Variants in ZFHX3 observed in about 807,000 individuals in gnomAD.
The protein encoded by ZFHX3 is zinc finger homeobox 3.
A neutral mutation model predicts 279.1 loss-of-function variants in ZFHX3; 42 were observed. The observed-to-expected ratio is 0.15, with a 90% CI of 0.12 to 0.19. ZFHX3 has a LOEUF of 0.19. Among genes scored for constraint, ZFHX3 ranks in the 10% least tolerant of loss-of-function variants. The pLI is 1.00. For missense variants in ZFHX3, 4,981 were observed against 4,754.0 expected, an observed-to-expected ratio of 1.05 and a Z score of -1.40; for synonymous variants, 2,293 against 1,957.8, an observed-to-expected ratio of 1.17 and a Z score of -4.52.
chr16:73,269,872 C>T (rs562290640), intron 4 of ZFHX3, among the ~76,000 whole-genome samples: 18 of 152,116 alleles, frequency 1.2e-4, no homozygotes, highest in South Asian at 1.0e-3. Context: ...CCTCAGTCTC[C>T]GGAGTAGCTG....
At chr16:73,311,321 GC>G (rs1458763721) in intron 4 of ZFHX3, among the ~76,000 whole-genome samples, 4 of 151,600 alleles carry the variant, frequency 2.6e-5, no homozygotes, top group Non-Finnish European at 5.9e-5. Flanking sequence ...ATGGATGGAT[GC>G]AGTGGCTCAC....
rs138316131 is a variant in ZFHX3, at chr16:73,871,513, A to T, written c.-1608+20138T>A. Among the ~76,000 whole-genome samples, 359 of 151,454 alleles carry T rather than the reference A, an allele frequency of 2.4e-3. 3 individuals are homozygous for T. Among genetic ancestry groups the T allele is most frequent in the East Asian group, 5.4e-3 (28 of 5,164 alleles). On this transcript the variant is annotated intron_variant, in intron 1 of 17. Transcript: ENST00000641206. ...AAAAAAAAGAGAGAGAGAGAGAGAG[A>T]GTGTGTGTGCTTATGACTTTGCCTG...
intron 8 of ZFHX3, among the ~76,000 whole-genome samples, chr16:73,076,354 G>A (rs996002091): frequency 4.6e-5 from 7 of 152,190 alleles, no homozygotes; most frequent in Admixed American, 3.9e-4. Flanking sequence ...ACTGGGAAGT[G>A]GAGCAATGAG....
chr16:72,895,872 A>ATAT (rs2038887013), intron 3 of ZFHX3, among the ~76,000 whole-genome samples: 1 of 138,500 alleles, frequency 7.2e-6, no homozygotes. Flanking sequence ...GGTAGATTAG[A>ATAT]CTAGATAGAT....
chr16:73,750,324 C>A (rs573160230), intron 1 of ZFHX3, among the ~76,000 whole-genome samples: 26 of 152,148 alleles, frequency 1.7e-4, no homozygotes, highest in Non-Finnish European at 2.5e-4. Context: ...GTACGATCTG[C>A]AAAGACACTG....
At chr16:73,561,275 G>C (rs932199691) in intron 2 of ZFHX3, among the ~76,000 whole-genome samples, 2 of 152,184 alleles carry the variant, frequency 1.3e-5, no homozygotes, top group East Asian at 1.9e-4. Context: ...TCCGTGTGCA[G>C]ATGGGAACTA....
chr16:72,877,141 T>C (rs1028235000), intron 4 of ZFHX3, among the ~76,000 whole-genome samples: 7 of 152,324 alleles, frequency 4.6e-5, no homozygotes, highest in African/African-American at 1.7e-4. Flanking sequence ...CCCGGTCTTA[T>C]GTGTTCTGAG....
At position 72,787,151 on chromosome 16, in the gene ZFHX3, T is replaced by G; in HGVS notation, c.*13A>C. On this transcript the variant is annotated 3_prime_UTR_variant, in exon 10 of 10. Transcript: ENST00000268489. ...ATTTAAATTCATTTGTTTGTATTGT[T>G]CATCTTCAAAGCTTACAATCTGAAG... 1.4e-6 allele frequency: 2 copies of G among 1,480,124 alleles called. No individual in the cohort carries two copies. The highest frequency in any genetic ancestry group is 1.8e-6 in the Non-Finnish European group (2 of 1,107,904). 91.7% of individuals were successfully genotyped at this position (1,480,124 alleles called of 1,614,324 possible). A position where few individuals can be genotyped will look rare whatever the true frequency, so the allele number is the denominator to read the frequency against.
At chr16:73,273,342 T>C (rs1442669336) in intron 4 of ZFHX3, among the ~76,000 whole-genome samples, 4 of 152,122 alleles carry the variant, frequency 2.6e-5, no homozygotes, top group African/African-American at 9.7e-5. Context: ...ATAACTCCTG[T>C]TGGATATGAA....
At chr16:73,440,611 G>A (rs1182453293) in intron 3 of ZFHX3, among the ~76,000 whole-genome samples, 4 of 152,158 alleles carry the variant, frequency 2.6e-5, no homozygotes, top group African/African-American at 9.7e-5. Flanking sequence ...TCACAGTGGT[G>A]CCTGCCTCTA....
At chr16:73,095,669 A>G (rs1447331947) in intron 7 of ZFHX3, among the ~76,000 whole-genome samples, 1 of 152,248 alleles carries the variant, frequency 6.6e-6, no homozygotes, top group East Asian at 1.9e-4. Context: ...TGATTTTATC[A>G]TCATATTCAA....
rs772484654 is a variant in ZFHX3 at position 73,278,577 on chromosome 16, G to A, written c.-1193-21441C>T. On this transcript the variant is annotated intron_variant, in intron 4 of 17. Coordinates refer to the ZFHX3 transcript ENST00000641206. ...CCACACTGTGTAAGGGGACCTGAGCGAGTAGGAGGTGCTGGCTGGGGTGGC... is the reference window on the plus strand; with the variant it reads ...CCACACTGTGTAAGGGGACCTGAGCAAGTAGGAGGTGCTGGCTGGGGTGGC... Among the ~76,000 whole-genome samples the A allele has an allele frequency of 4.6e-5, 7 of 152,314 alleles. No homozygotes were observed. In the South Asian group the frequency reaches 6.2e-4, roughly 14 times the overall value.
At chr16:72,823,633 CAA>C (rs1047765361) in intron 5 of ZFHX3, among the ~76,000 whole-genome samples, 21 of 152,324 alleles carry the variant, frequency 1.4e-4, no homozygotes, top group South Asian at 2.1e-4. Flanking sequence ...TAGCCACAGA[CAA>C]GAGAAATCTG....
At chr16:73,660,177 C>A (rs952531647) in intron 2 of ZFHX3, among the ~76,000 whole-genome samples, 3 of 152,144 alleles carry the variant, frequency 2.0e-5, no homozygotes, top group African/African-American at 7.2e-5. Flanking sequence ...TACAGAACAG[C>A]CCTTTGTGAA....
In ZFHX3 at chr16:72,793,989, G is replaced by A. The variant is rs2143391775; in HGVS notation, c.8693C>T (p.Ala2898Val). ...DRLSSGLVSP[A>V]PSFYSKEYDN... is the part of the protein sequence containing the mutation. ...ATATTCCTTGCTATAAAAGCTCGGG[G>A]CCGGGCTGACCAGACCAGATGACAA... The change falls in exon 9 of 10, where the codon GCC (alanine) becomes GTC (valine). Residue 2898 changes from alanine (A) to valine (V), a missense_variant. Physicochemically the swap from Ala to Val is moderately conservative, Grantham distance 64. Transcript: ENST00000268489. This position sits in a 1 kb window ranked among gnomAD's most constrained non-coding sequence, Gnocchi z 4.3. The A allele has an allele frequency of 1.2e-6, 2 of 1,614,248 alleles. No homozygotes were observed. Among genetic ancestry groups the A allele is most frequent in the South Asian group, 1.1e-5 (1 of 91,090 alleles).
intron 2 of ZFHX3, among the ~76,000 whole-genome samples, chr16:73,621,384 T>C (rs1379776106): frequency 6.6e-6 from 1 of 152,174 alleles, no homozygotes; most frequent in African/African-American, 2.4e-5. Flanking sequence ...TAGAAATTCA[T>C]ATGGTCTTTC....
At chr16:73,673,997 A>G (rs1002261064) in intron 2 of ZFHX3, among the ~76,000 whole-genome samples, 5 of 152,208 alleles carry the variant, frequency 3.3e-5, no homozygotes, top group Non-Finnish European at 7.3e-5. Flanking sequence ...CTACACAAAA[A>G]GGAAACAAAA....
At chr16:72,869,013 G>T (rs915823306) in intron 4 of ZFHX3, among the ~76,000 whole-genome samples, 2 of 152,234 alleles carry the variant, frequency 1.3e-5, no homozygotes, top group Non-Finnish European at 2.9e-5. Flanking sequence ...CAGAGAAAGG[G>T]TGAAAGGTGA....
chr16:73,669,634 C>G (rs1180852471), intron 2 of ZFHX3, among the ~76,000 whole-genome samples: 2 of 152,220 alleles, frequency 1.3e-5, no homozygotes, highest in Non-Finnish European at 2.9e-5. Flanking sequence ...AACATGAAGA[C>G]CTGGAGGCCA....
Sources: allele counts gnomAD v4.1 joint callset (sites outside exome capture counted in the v4.1 genomes callset), GRCh38; gene constraint gnomAD v4.1.1; non-coding constraint Gnocchi (gnomAD v3.1); transcripts MANE v1.5; gene names NCBI Gene and HGNC (gene_info 2026-07-23, HGNC 2026-07-21).